The following ARFGEF3 variants were observed in gnomAD, a reference collection of about 807,000 sequenced individuals.
ARFGEF3 encodes ARFGEF family member 3.
A neutral mutation model predicts 221.7 loss-of-function variants in ARFGEF3; 96 were observed. The observed-to-expected ratio is 0.43, with a 90% CI of 0.37 to 0.51. The LOEUF (loss-of-function observed/expected upper bound fraction) is 0.51, where lower values mean the gene tolerates loss of function less well. Ranked by LOEUF, ARFGEF3 falls within the 20% of genes least tolerant of loss-of-function variation. ARFGEF3 has a pLI of 0.00. For synonymous variants in ARFGEF3, 1,145 were observed against 1,126.8 expected (o/e 1.02, Z -0.32); for missense variants, 2,410 against 2,789.9 (o/e 0.86, Z 3.07).
Position 138,263,335 on chromosome 6 carries a change from G to A in ARFGEF3, c.1852G>A (p.Ala618Thr). The A allele has an allele frequency of 6.2e-7, 1 of 1,614,010 alleles. No individual in the cohort carries two copies. Among genetic ancestry groups the A allele is most frequent in the South Asian group, 1.1e-5 (1 of 91,080 alleles). The stretch of plus-strand genomic sequence containing the variant: ...TTCCTGTGATCAGTACTCTATGGCA[G>A]CAGAAAAGGACTCGGGCAGGTCCGA... ...FDSCDQYSMA[A>T]EKDSGRSDVS... Residue 618 changes from alanine (A) to threonine (T), a missense_variant, in exon 12 of 34, where the codon GCA becomes ACA. Ala to Thr is a moderately conservative substitution (Grantham distance 58). Transcript: ENST00000251691.
intron 12 of ARFGEF3, among the ~76,000 whole-genome samples, chr6:138,273,968 G>T (rs540487081): frequency 6.6e-6 from 1 of 152,118 alleles, no homozygotes; most frequent in Admixed American, 6.5e-5. Flanking sequence ...GCAGATGTAG[G>T]CTGGTACCAA....
At chr6:138,175,964 CTT>C (rs1205839510) in intron 2 of ARFGEF3, among the ~76,000 whole-genome samples, 1 of 152,042 alleles carries the variant, frequency 6.6e-6, no homozygotes, top group Non-Finnish European at 1.5e-5. Flanking sequence ...GTTATAGTCT[CTT>C]GTTGAATTGA....
At chr6:138,335,256 G>A in intron 33 of ARFGEF3, 68 bp downstream of exon 33, 1 of 1,421,342 alleles carries the variant, frequency 7.0e-7, no homozygotes, top group Non-Finnish European at 9.3e-7. Context: ...GCCCCCCCTT[G>A]CAGAGCAGGC....
Position 138,280,085 on chromosome 6 carries a change from C to A in ARFGEF3, c.2382C>A (p.Leu794=), listed in dbSNP as rs770959574. Residue 794 remains leucine, a synonymous_variant, in exon 14 of 34, where the codon CTC becomes CTA. Transcript: ENST00000251691. ...TTGAGGAGCTCTACCATCAGGTGCT[C>A]GACAGGAACATGCTTGGAGAGGCTG... ...AWIEELYHQV[L]DRNMLGEAGY... 3 of 1,613,884 alleles carry A rather than the reference C, an allele frequency of 1.9e-6. No individual in the cohort carries two copies. The highest frequency in any genetic ancestry group is 2.5e-6 in the Non-Finnish European group (3 of 1,179,822).
At chr6:138,206,650 A>G (rs1265262763) in intron 2 of ARFGEF3, among the ~76,000 whole-genome samples, 2 of 152,216 alleles carry the variant, frequency 1.3e-5, no homozygotes, top group Admixed American at 6.5e-5. Flanking sequence ...GAAGCAAGGC[A>G]TAGAAATCTA....
chr6:138,241,801 G>A (rs867765642), intron 6 of ARFGEF3, among the ~76,000 whole-genome samples: 9 of 152,282 alleles, frequency 5.9e-5, no homozygotes, highest in Middle Eastern at 3.4e-3. Context: ...TGCATGCCAG[G>A]ACAGACGATA....
rs1779877148 is a variant in ARFGEF3 at position 138,314,084 on chromosome 6, T to C, written c.4345+145T>C. ...TAAGAGAATACTTGAGAGTGATAAA[T>C]AGCAGATTTATTTCTTACAGTTCTG... On this transcript the variant is annotated intron_variant, in intron 26 of 33. Coordinates refer to ENST00000251691, the MANE Select transcript of ARFGEF3 (RefSeq NM_020340.5). 5 of 892,576 alleles carry C rather than the reference T, an allele frequency of 5.6e-6. No homozygotes were observed. In the South Asian group the frequency reaches 1.1e-4, roughly 20 times the overall value. The allele number at this position is 892,576 out of a possible 1,614,324, so 55.3% of individuals were successfully genotyped here.
In ARFGEF3 at chr6:138,339,839, A is replaced by C. The variant is rs984352281; in HGVS notation, c.*3353A>C. On this transcript the variant is annotated 3_prime_UTR_variant, in exon 34 of 34. Transcript: ENST00000251691. ...TTGTGGTAATTTTCCAGCCTTCCCC[A>C]TAGATATAAAACTAGAACACCTTTA... is the stretch of plus-strand genomic sequence containing the variant. 1.3e-5 allele frequency: 2 copies of C among 152,248 alleles called. No homozygotes were observed. The highest frequency in any genetic ancestry group is 2.4e-5 in the African/African-American group (1 of 41,460). The allele number at this position is 152,248 out of a possible 1,614,324, so 9.4% of individuals were successfully genotyped here. A position where few individuals can be genotyped will look rare whatever the true frequency, so the allele number is the denominator to read the frequency against.
chr6:138,306,148 A>G (rs1400258976), intron 22 of ARFGEF3, among the ~76,000 whole-genome samples: 3 of 152,164 alleles, frequency 2.0e-5, no homozygotes, highest in Non-Finnish European at 4.4e-5. Flanking sequence ...TCAACATACT[A>G]AAATCAACTG....
chr6:138,334,379 G>C lies in ARFGEF3; in HGVS notation c.5533G>C (p.Asp1845His). 1 of 1,613,364 alleles carries C rather than the reference G, an allele frequency of 6.2e-7. No homozygotes were observed. The highest frequency in any genetic ancestry group is 8.5e-7 in the Non-Finnish European group (1 of 1,179,702). Residue 1845 changes from aspartate to histidine, a missense_variant, in exon 33 of 34, where the codon GAC becomes CAC. By Grantham distance (81) the Asp-to-His change is moderately conservative. Coordinates refer to ENST00000251691, the MANE Select transcript of ARFGEF3 (RefSeq NM_020340.5). This position sits in a 1 kb window ranked among gnomAD's most constrained non-coding sequence, Gnocchi z 5.1. The stretch of plus-strand genomic sequence containing the variant: ...AGTGAAGAAGGTCCTTTTTGAGGAC[G>C]ACGAGAGAAGCACGGATTCTTCCCA... ...EQVKKVLFED[D>H]ERSTDSSQQC...
chr6:138,305,259 AC>A lies in ARFGEF3; in HGVS notation c.3829-1993del, dbSNP rs1257284815. On this transcript the variant is annotated intron_variant, in intron 22 of 33. Transcript: ENST00000251691. ...TGATACCAAAGTCTCAAGAAGGAAA[AC>A]TATAGACCAATATTCTTTATGAAAT... 3.3e-5 allele frequency among the ~76,000 whole-genome samples: 5 copies of A among 151,928 alleles called. No homozygotes were observed. The East Asian group carries it at 7.7e-4, about 23-fold the overall frequency.
intron 2 of ARFGEF3, among the ~76,000 whole-genome samples, chr6:138,185,402 C>T (rs770807024): frequency 8.5e-5 from 13 of 152,218 alleles, no homozygotes; most frequent in South Asian, 4.2e-4. Context: ...TGCAGCTGAA[C>T]GCACCCTAAC....
intron 2 of ARFGEF3, among the ~76,000 whole-genome samples, chr6:138,193,494 C>T (rs1184517766): frequency 6.6e-6 from 1 of 152,166 alleles, no homozygotes; most frequent in African/African-American, 2.4e-5. Context: ...ATGTGTCTAA[C>T]ATTTCACACA....
chr6:138,306,410 G>A (rs903833931), intron 22 of ARFGEF3, among the ~76,000 whole-genome samples: 8 of 152,034 alleles, frequency 5.3e-5, no homozygotes, highest in Non-Finnish European at 1.0e-4. Flanking sequence ...TAGATTCAGC[G>A]CAATTCCAAT....
intron 1 of ARFGEF3, among the ~76,000 whole-genome samples, chr6:138,169,073 G>A (rs1182899616): frequency 6.6e-6 from 1 of 152,186 alleles, no homozygotes; most frequent in African/African-American, 2.4e-5. Flanking sequence ...AGGTGTCATT[G>A]TCTTCTTTCT....
intron 12 of ARFGEF3, among the ~76,000 whole-genome samples, chr6:138,273,562 A>G (rs755606251): frequency 6.6e-6 from 1 of 152,224 alleles, no homozygotes; most frequent in Admixed American, 6.5e-5. Flanking sequence ...AAAATAGAGT[A>G]TCTACTAGAG....
chr6:138,194,109 A>G (rs1307821217), intron 2 of ARFGEF3, among the ~76,000 whole-genome samples: 5 of 152,102 alleles, frequency 3.3e-5, no homozygotes, highest in African/African-American at 1.2e-4. Flanking sequence ...CTCTACTAAA[A>G]ATACAGAAAT....
intron 12 of ARFGEF3, among the ~76,000 whole-genome samples, chr6:138,269,554 A>G (rs941144071): frequency 6.6e-6 from 1 of 152,214 alleles, no homozygotes; most frequent in Non-Finnish European, 1.5e-5. Flanking sequence ...TCATGCCTGT[A>G]ATCCCAGCAC....
intron 28 of ARFGEF3, among the ~76,000 whole-genome samples, chr6:138,320,564 C>T (rs1780005633): frequency 6.6e-6 from 1 of 152,144 alleles, no homozygotes; most frequent in Non-Finnish European, 1.5e-5. Flanking sequence ...ACTGGCATAT[C>T]ATGGTGTAAG....
Sources: allele counts gnomAD v4.1 joint callset (sites outside exome capture counted in the v4.1 genomes callset), GRCh38; gene constraint gnomAD v4.1.1; non-coding constraint Gnocchi (gnomAD v3.1); transcripts MANE v1.5; gene names NCBI Gene and HGNC (gene_info 2026-07-23, HGNC 2026-07-21).